The following CFAP20DC variants were observed in gnomAD, a reference collection of about 807,000 sequenced individuals.
CFAP20DC encodes the protein CFAP20 domain containing.
Under a neutral mutation model 101.7 loss-of-function variants are expected in CFAP20DC, and 84 were observed. The observed-to-expected ratio is 0.83, with a 90% CI of 0.69 to 0.99. The LOEUF is 0.99. CFAP20DC is among the 50% of genes least tolerant of loss of function. CFAP20DC has a pLI of 0.00. For missense variants in CFAP20DC, 1,007 were observed against 970.3 expected (o/e 1.04, Z -0.50); for synonymous variants, 359 against 351.2 (o/e 1.02, Z -0.25).
At chr3:58,824,466 C>G (rs908234964) in intron 14 of CFAP20DC, 9 of 152,216 alleles carry the variant, frequency 5.9e-5, no homozygotes, top group East Asian at 5.8e-4. Context: ...CCACGGAGCA[C>G]AAGCAGCTTT....
intron 6 of CFAP20DC, among the ~76,000 whole-genome samples, chr3:58,908,064 T>C (rs908921730): frequency 6.6e-6 from 1 of 152,154 alleles, no homozygotes; most frequent in African/African-American, 2.4e-5. Flanking sequence ...AAATAATACA[T>C]CTATATTATT....
At chr3:58,905,165 G>A (rs2083473669) in intron 6 of CFAP20DC, among the ~76,000 whole-genome samples, 1 of 152,092 alleles carries the variant, frequency 6.6e-6, no homozygotes, top group South Asian at 2.1e-4. Flanking sequence ...GGGGAGTAAG[G>A]AGACCTGTAT....
At chr3:58,919,430 A>G (rs780562228) in intron 5 of CFAP20DC, among the ~76,000 whole-genome samples, 2 of 152,226 alleles carry the variant, frequency 1.3e-5, no homozygotes, top group Non-Finnish European at 2.9e-5. Context: ...CTTTAAACCA[A>G]GCCTTGAAAT....
At chr3:58,827,993 C>T (rs1042426989) in intron 14 of CFAP20DC, among the ~76,000 whole-genome samples, 1 of 152,152 alleles carries the variant, frequency 6.6e-6, no homozygotes, top group Admixed American at 6.6e-5. Flanking sequence ...GCTACAGTGA[C>T]TTTAGAGCTA....
At position 58,799,849 on chromosome 3, in the gene CFAP20DC, A is replaced by C. The variant is rs2073552198; in HGVS notation, c.2237+6546T>G. 6.6e-6 allele frequency among the ~76,000 whole-genome samples: 1 copy of C among 152,078 alleles called. No homozygotes were observed. The highest frequency in any genetic ancestry group is 1.5e-5 in the Non-Finnish European group (1 of 68,014). On this transcript the variant is annotated intron_variant, in intron 15 of 16. Transcript: ENST00000482387. This position sits in a 1 kb window ranked among gnomAD's most constrained non-coding sequence, Gnocchi z 4.9. ...AAAGATAATGTGCTAAAGGTGACTG[A>C]GGGCTATTTTAGGGTGGACACTAAG...
intron 4 of CFAP20DC, among the ~76,000 whole-genome samples, chr3:58,983,145 G>A (rs1020520778): frequency 6.6e-6 from 1 of 152,172 alleles, no homozygotes; most frequent in East Asian, 1.9e-4. Flanking sequence ...AATCATTACA[G>A]TTTGTTTTAA....
chr3:58,805,045 G>A (rs981937123), intron 15 of CFAP20DC, among the ~76,000 whole-genome samples: 11 of 152,116 alleles, frequency 7.2e-5, no homozygotes, highest in Non-Finnish European at 1.3e-4. Flanking sequence ...AACCACTTAC[G>A]TGGTTTCCTG....
chr3:58,823,490 T>G (rs1341402227), intron 14 of CFAP20DC, among the ~76,000 whole-genome samples: 1 of 152,194 alleles, frequency 6.6e-6, no homozygotes, highest in Non-Finnish European at 1.5e-5. Context: ...ATGCTAATTC[T>G]TGGTAGATAT....
chr3:58,837,825 A>C (rs1029881779), intron 13 of CFAP20DC, among the ~76,000 whole-genome samples: 1 of 152,202 alleles, frequency 6.6e-6, no homozygotes, highest in African/African-American at 2.4e-5. Context: ...CCATTTTCCA[A>C]AGCTAATTTT....
intron 14 of CFAP20DC, among the ~76,000 whole-genome samples, chr3:58,822,311 A>AC (rs2075721789): frequency 2.0e-5 from 1 of 50,168 alleles, no homozygotes; most frequent in African/African-American, 7.4e-5. Flanking sequence ...AAAATCATGA[A>AC]AAAACAAACA....
intron 4 of CFAP20DC, among the ~76,000 whole-genome samples, chr3:58,953,225 A>C (rs1029988412): frequency 2.6e-5 from 4 of 152,206 alleles, no homozygotes; most frequent in African/African-American, 9.6e-5. Flanking sequence ...AAAAGCCAAA[A>C]GAAAGATTCA....
intron 6 of CFAP20DC, among the ~76,000 whole-genome samples, chr3:58,905,304 C>G (rs1333884066): frequency 6.6e-6 from 1 of 152,148 alleles, no homozygotes; most frequent in African/African-American, 2.4e-5. Context: ...TTCTACTCCC[C>G]TTGTTTTTCT....
intron 3 of CFAP20DC, among the ~76,000 whole-genome samples, chr3:58,731,445 A>G (rs1163543292): frequency 6.6e-6 from 1 of 152,204 alleles, no homozygotes; most frequent in East Asian, 1.9e-4. Flanking sequence ...AGGGCTGATT[A>G]TAAATGATCC....
intron 16 of CFAP20DC, among the ~76,000 whole-genome samples, chr3:58,746,334 G>A (rs1292527555): frequency 6.6e-6 from 1 of 152,118 alleles, no homozygotes; most frequent in Non-Finnish European, 1.5e-5. Context: ...TACTCCATCA[G>A]CACATCATGG....
At chr3:58,949,326 CT>C (rs2089787584) in intron 4 of CFAP20DC, among the ~76,000 whole-genome samples, 1 of 152,112 alleles carries the variant, frequency 6.6e-6, no homozygotes. Context: ...CTTCTGCTGG[CT>C]TTTGAATGTG....
intron 4 of CFAP20DC, among the ~76,000 whole-genome samples, chr3:58,958,097 C>T (rs2090803604): frequency 6.6e-6 from 1 of 152,024 alleles, no homozygotes; most frequent in Non-Finnish European, 1.5e-5. Context: ...ATCAAAACAT[C>T]TCAGGTACAC....
intron 4 of CFAP20DC, among the ~76,000 whole-genome samples, chr3:58,955,396 T>A (rs1299928188): frequency 6.6e-6 from 1 of 152,162 alleles, no homozygotes; most frequent in Non-Finnish European, 1.5e-5. Context: ...AGTATTTCTG[T>A]GTGTCAGGTA....
At chr3:59,027,368 T>C (rs955142415) in intron 4 of CFAP20DC, among the ~76,000 whole-genome samples, 1 of 152,154 alleles carries the variant, frequency 6.6e-6, no homozygotes, top group African/African-American at 2.4e-5. Flanking sequence ...ACATGAAAGC[T>C]TGTACATAGC....
intron 12 of CFAP20DC, among the ~76,000 whole-genome samples, chr3:58,856,502 C>G (rs2078839258): frequency 6.6e-6 from 1 of 152,196 alleles, no homozygotes; most frequent in Admixed American, 6.5e-5. Context: ...GCAACCCTCT[C>G]TGCTGTAGGC....
Sources: gnomAD v4.1 joint callset for allele counts (sites outside exome capture counted in the v4.1 genomes callset) on GRCh38, gnomAD v4.1.1 for gene constraint, Gnocchi (gnomAD v3.1) non-coding constraint, MANE v1.5 for transcripts, NCBI Gene and HGNC (gene_info 2026-07-23, HGNC 2026-07-21) for gene names.